Variants in COX18 observed in about 807,000 individuals in gnomAD.
The protein encoded by COX18 is cytochrome c oxidase assembly factor COX18.
Under a neutral mutation model 38.0 loss-of-function variants are expected in COX18, and 45 were observed. The observed-to-expected ratio is 1.18, with a 90% CI of 0.93 to 1.52. COX18 has a LOEUF of 1.52. Ranked by LOEUF, COX18 falls within the 40% of genes most tolerant of loss-of-function variation. The pLI is 0.00. For missense variants in COX18, 462 were observed against 423.8 expected, an observed-to-expected ratio of 1.09 and a Z score of -0.79; for synonymous variants, 177 against 169.8, an observed-to-expected ratio of 1.04 and a Z score of -0.33.
chr4:73,069,717 G>T (rs1385581594), upstream of COX18: 2 of 1,429,336 alleles, frequency 1.4e-6, no homozygotes, highest in Admixed American at 2.0e-5. Flanking sequence ...GCCAGCCAAG[G>T]CTGATACGCG....
At chr4:73,058,345 A>G in intron 5 of COX18, 58 bp from the exon 6 acceptor site, 1 of 1,256,434 alleles carries the variant, frequency 8.0e-7, no homozygotes, top group Non-Finnish European at 1.1e-6. Flanking sequence ...ATCACAGTCC[A>G]GACAATAAAA....
chr4:73,068,522 A>G (rs1232318819), intron 1 of COX18: 1 of 156,678 alleles, frequency 6.4e-6, no homozygotes, highest in Admixed American at 6.2e-5. Flanking sequence ...ATACACTGTG[A>G]TAGCCACAAA....
In COX18 at chr4:73,064,758, T is replaced by A; in HGVS notation, c.723+20A>T. On this transcript the variant is annotated intron_variant, in intron 4 of 5. Transcript: ENST00000507544. ...AAAATCCCCATAAATGGCAAACAAATTTCATTTAAAACTACTGACCTCCAC... is the reference window on the plus strand; with the variant it reads ...AAAATCCCCATAAATGGCAAACAAAATTCATTTAAAACTACTGACCTCCAC... 6.2e-7 allele frequency: 1 copy of A among 1,608,888 alleles called. No homozygotes were observed. Among genetic ancestry groups the A allele is most frequent in the Non-Finnish European group, 8.5e-7 (1 of 1,176,956 alleles).
chr4:73,067,050 G>T (rs769489541), intron 2 of COX18, among the ~76,000 whole-genome samples: 1 of 152,190 alleles, frequency 6.6e-6, no homozygotes, highest in Non-Finnish European at 1.5e-5. Flanking sequence ...AAGAGGGCTT[G>T]TAAGTTCCCA....
intron 2 of COX18, among the ~76,000 whole-genome samples, chr4:73,066,350 T>A (rs549198566): frequency 6.6e-6 from 1 of 152,192 alleles, no homozygotes; most frequent in African/African-American, 2.4e-5. Context: ...TGGCTGTCCA[T>A]CTGACACACC....
rs953544512 is a variant in COX18 at position 73,069,711 on chromosome 4, G to A, written c.-62C>T. Reference sequence around the variant, plus strand: ...CAATCCAGCGGACATACACCGGCCAGCCAAGGCTGATACGCGCACGCGCCA... The same window carrying A: ...CAATCCAGCGGACATACACCGGCCAACCAAGGCTGATACGCGCACGCGCCA... On this transcript the variant is annotated 5_prime_UTR_variant, in exon 1 of 6. Coordinates refer to ENST00000507544, the MANE Select transcript of COX18 (RefSeq NM_001297732.2). The A allele has an allele frequency of 8.8e-6, 13 of 1,479,898 alleles. No individual in the cohort carries two copies. The highest frequency in any genetic ancestry group is 1.2e-5 in the Non-Finnish European group (13 of 1,098,104). 91.7% of individuals were successfully genotyped at this position (1,479,898 alleles called of 1,614,324 possible).
chr4:73,060,380 T>C (rs1481485350), intron 5 of COX18, among the ~76,000 whole-genome samples: 2 of 152,218 alleles, frequency 1.3e-5, no homozygotes, highest in Admixed American at 1.3e-4. Flanking sequence ...TGTGCCGTTC[T>C]ACTTTTACAG....
In COX18 at chr4:73,066,226, A is replaced by G. The variant is rs142850187; in HGVS notation, c.435-813T>C. Among the ~76,000 whole-genome samples the G allele has an allele frequency of 2.2e-4, 34 of 152,322 alleles. No individual in the cohort carries two copies. In the East Asian group the frequency reaches 6.6e-3, roughly 29 times the overall value. On this transcript the variant is annotated intron_variant, in intron 2 of 5. Coordinates refer to ENST00000507544, the MANE Select transcript of COX18 (RefSeq NM_001297732.2). ...CAATTTTATCTCGTTACTCCTCTAG[A>G]CACCTGCATATTCTGGTCTGAATGA...
intron 5 of COX18, 59 bp downstream of exon 5, chr4:73,061,754 C>T (rs1269745346): frequency 1.3e-5 from 11 of 848,878 alleles, no homozygotes; most frequent in Non-Finnish European, 2.1e-5. Context: ...CCCAGCCAGT[C>T]TAAGCTAAAG....
At chr4:73,058,783 A>C (rs1720015201) in intron 5 of COX18, among the ~76,000 whole-genome samples, 2 of 152,108 alleles carry the variant, frequency 1.3e-5, no homozygotes, top group Non-Finnish European at 2.9e-5. Context: ...TTCTGAGACA[A>C]ACAGCCTCAG....
chr4:73,064,917 T>C lies in COX18; in HGVS notation c.599-15A>G. 1 of 1,611,020 alleles carries C rather than the reference T, an allele frequency of 6.2e-7. No individual in the cohort carries two copies. The highest frequency in any genetic ancestry group is 8.5e-7 in the Non-Finnish European group (1 of 1,178,284). On this transcript the variant is annotated splice_polypyrimidine_tract_variant and intron_variant, in intron 3 of 5. Coordinates refer to ENST00000507544, the MANE Select transcript of COX18 (RefSeq NM_001297732.2). ...AGAAAAACCTGCTAAAACAGTTTTA[T>C]AAATAAAACAATAGAAGTCCTAAAA...
At chr4:73,066,509 G>A (rs1264793240) in intron 2 of COX18, among the ~76,000 whole-genome samples, 3 of 152,244 alleles carry the variant, frequency 2.0e-5, no homozygotes, top group African/African-American at 7.2e-5. Flanking sequence ...ACAACACAGG[G>A]AGATTCTGTC....
Position 73,058,208 on chromosome 4 carries a change from T to C in COX18, c.911A>G (p.Gln304Arg), listed in dbSNP as rs777276473. Residue 304 changes from glutamine to arginine, a missense_variant, in exon 6 of 6, where the codon CAA (glutamine) becomes CGA (arginine). Gln to Arg is a conservative substitution (Grantham distance 43). Transcript: ENST00000507544. ...CTTGGTCGATGGTATTCGGCAAAGT[T>C]GGCGAAATCCAGGAGAACGCAGCAG... is the stretch of plus-strand genomic sequence containing the variant. ...NLLLRSPGFR[Q>R]LCRIPSTKSD... 1.2e-6 allele frequency: 2 copies of C among 1,614,028 alleles called. No individual in the cohort carries two copies. Among genetic ancestry groups the C allele is most frequent in the South Asian group, 2.2e-5 (2 of 91,082 alleles).
chr4:73,057,145 T>C lies in COX18; in HGVS notation c.*969A>G, dbSNP rs1364681152. ...CATTAAAAAAATTAAAAAAAAAAAA[T>C]GCTGGGTGAGGTGGCTCATGCCTGT... On this transcript the variant is annotated 3_prime_UTR_variant, in exon 6 of 6. Coordinates refer to ENST00000507544, the MANE Select transcript of COX18 (RefSeq NM_001297732.2). 2 of 124,358 alleles carry C rather than the reference T, an allele frequency of 1.6e-5. No homozygotes were observed. Among genetic ancestry groups the C allele is most frequent in the African/African-American group, 6.1e-5 (2 of 32,538 alleles). 7.7% of individuals were successfully genotyped at this position (124,358 alleles called of 1,614,324 possible). A position where few individuals can be genotyped will look rare whatever the true frequency, so the allele number is the denominator to read the frequency against.
In COX18 at chr4:73,065,261, G is replaced by A; in HGVS notation, c.587C>T (p.Ala196Val). 1 of 1,609,590 alleles carries A rather than the reference G, an allele frequency of 6.2e-7. No individual in the cohort carries two copies. The highest frequency in any genetic ancestry group is 1.7e-5 in the Admixed American group (1 of 59,454). ...CATACAATAATTACCTTCTGAATGT[G>A]CTGCCCCCGTGCTTAAATTCCGGAG... ...FALRNLSTGA[A>V]HSEAGFSVQE... Residue 196 changes from alanine to valine, a missense_variant, in exon 3 of 6, where the codon GCA becomes GTA. Transcript: ENST00000507544.
At chr4:73,063,455 A>T (rs1170196366) in intron 4 of COX18, among the ~76,000 whole-genome samples, 1 of 152,160 alleles carries the variant, frequency 6.6e-6, no homozygotes, top group Non-Finnish European at 1.5e-5. Context: ...CAGTGGTGGG[A>T]TCACAACTCA....
rs1719910216 is a variant in COX18 at position 73,056,938 on chromosome 4, T to C, written c.*1176A>G. 1 of 151,964 alleles carries C rather than the reference T, an allele frequency of 6.6e-6. No individual in the cohort carries two copies. Among genetic ancestry groups the C allele is most frequent in the African/African-American group, 2.4e-5 (1 of 41,374 alleles). The allele number at this position is 151,964 out of a possible 1,614,324, so 9.4% of individuals were successfully genotyped here. ...GAGTTCAAGACCAGCCTAGCCAACA[T>C]GGTGAAATCCCATCTCTACTAAAAA... is the stretch of plus-strand genomic sequence containing the variant. On this transcript the variant is annotated 3_prime_UTR_variant, in exon 6 of 6. Transcript: ENST00000507544.
At position 73,068,049 on chromosome 4, in the gene COX18, C is replaced by T. The variant is rs779543280; in HGVS notation, c.414G>A (p.Gly138=). The change falls in exon 2 of 6, where the codon GGG becomes GGA. Residue 138 remains glycine (G), a synonymous_variant. Coordinates refer to ENST00000507544, the MANE Select transcript of COX18 (RefSeq NM_001297732.2). ...CTTACCTGGCATCTCTTTTGGACCA[C>T]CCCAACTGATTTGCACGAACTGCAA... is the stretch of plus-strand genomic sequence containing the variant. The part of the protein sequence containing the change: ...QEVAVRANQL[G]WSKRDARLTY... 5.2e-5 allele frequency: 84 copies of T among 1,611,562 alleles called. No individual in the cohort carries two copies. The East Asian group carries it at 1.9e-3, about 36-fold the overall frequency.
intron 5 of COX18, among the ~76,000 whole-genome samples, chr4:73,061,522 T>C (rs1466369011): frequency 2.6e-5 from 4 of 151,736 alleles, no homozygotes; most frequent in Non-Finnish European, 5.9e-5. Context: ...TCCTGGTTAA[T>C]ATGGTGAAAC....
Sources: allele counts gnomAD v4.1 joint callset (sites outside exome capture counted in the v4.1 genomes callset), GRCh38; gene constraint gnomAD v4.1.1; transcripts MANE v1.5; gene names NCBI Gene and HGNC (gene_info 2026-07-23, HGNC 2026-07-21).